Variants in EPHA6 observed in about 807,000 individuals in gnomAD.
The protein encoded by EPHA6 is EPH receptor A6.
Under a neutral mutation model 112.0 loss-of-function variants are expected in EPHA6, and 50 were observed. That is an observed-to-expected ratio of 0.45 (90% confidence interval 0.36 to 0.56). The LOEUF is 0.56. Ranked by LOEUF, EPHA6 falls within the 20% of genes least tolerant of loss-of-function variation. The probability of loss-of-function intolerance (pLI) is 0.00; values close to 1 mark genes in which losing one functional copy is unlikely to be tolerated. For synonymous variants in EPHA6, 529 were observed against 490.7 expected, an observed-to-expected ratio of 1.08 and a Z score of -1.03; for missense variants, 1,280 against 1,417.4, an observed-to-expected ratio of 0.90 and a Z score of 1.56.
At chr3:97,480,777 GA>G (rs1368732435) in intron 9 of EPHA6, among the ~76,000 whole-genome samples, 1 of 152,202 alleles carries the variant, frequency 6.6e-6, no homozygotes, top group Non-Finnish European at 1.5e-5. Context: ...CGGCCGGGCA[GA>G]GGGGCTCCTC....
chr3:97,574,474 A>G (rs1273864282), intron 11 of EPHA6, among the ~76,000 whole-genome samples: 1 of 152,154 alleles, frequency 6.6e-6, no homozygotes, highest in African/African-American at 2.4e-5. Context: ...AGCTACACAG[A>G]TGTGAAAGGG....
chr3:97,347,505 A>T (rs1013061212), intron 5 of EPHA6, among the ~76,000 whole-genome samples: 16 of 152,128 alleles, frequency 1.1e-4, no homozygotes, highest in Admixed American at 9.2e-4. Context: ...GACTTTGAGT[A>T]CAGGAGAGAA....
chr3:97,331,432 A>G (rs545935458), intron 5 of EPHA6, among the ~76,000 whole-genome samples: 3 of 152,230 alleles, frequency 2.0e-5, no homozygotes, highest in South Asian at 4.1e-4. Context: ...GACACAAAAA[A>G]CCCTTCAAAA....
At chr3:96,824,314 T>G (rs1183395022) in intron 1 of EPHA6, among the ~76,000 whole-genome samples, 2 of 151,854 alleles carry the variant, frequency 1.3e-5, no homozygotes, top group African/African-American at 4.8e-5. Flanking sequence ...CTACCAAGCC[T>G]TAAAATCAGA....
intron 3 of EPHA6, among the ~76,000 whole-genome samples, chr3:97,225,772 T>G (rs1326941740): frequency 6.6e-6 from 1 of 152,158 alleles, no homozygotes; most frequent in Non-Finnish European, 1.5e-5. Flanking sequence ...AAAGAAAATT[T>G]AGCCACTAAG....
At chr3:97,055,210 A>T (rs1036063189) in intron 3 of EPHA6, among the ~76,000 whole-genome samples, 1 of 152,162 alleles carries the variant, frequency 6.6e-6, no homozygotes, top group African/African-American at 2.4e-5. Flanking sequence ...CCCTCTGAGG[A>T]TGTAGATTAG....
intron 5 of EPHA6, among the ~76,000 whole-genome samples, chr3:97,256,388 G>C (rs114594133): frequency 6.6e-6 from 1 of 151,722 alleles, no homozygotes; most frequent in African/African-American, 2.4e-5. Flanking sequence ...TTTATTTAAC[G>C]TAAATTTGGC....
intron 5 of EPHA6, among the ~76,000 whole-genome samples, chr3:97,297,158 G>A (rs899357979): frequency 6.6e-6 from 1 of 152,120 alleles, no homozygotes; most frequent in South Asian, 2.1e-4. Context: ...AGTTCACAGT[G>A]GAATGTGGAC....
At chr3:97,559,685 A>C (rs745516473) in intron 11 of EPHA6, 1 of 451,238 alleles carries the variant, frequency 2.2e-6, no homozygotes, top group Non-Finnish European at 4.4e-6. Flanking sequence ...AATAGAGCTA[A>C]TGTGTATGCT....
chr3:97,062,939 A>G (rs183272164), intron 3 of EPHA6, among the ~76,000 whole-genome samples: 1 of 152,228 alleles, frequency 6.6e-6, no homozygotes, highest in East Asian at 1.9e-4. Context: ...CAACAATTAT[A>G]TGAAAAAAAA....
At chr3:97,231,089 G>A (rs1236930500) in intron 4 of EPHA6, among the ~76,000 whole-genome samples, 7 of 152,002 alleles carry the variant, frequency 4.6e-5, no homozygotes, top group East Asian at 1.9e-4. Flanking sequence ...TTTGAGTGGC[G>A]TATTCTGGTC....
chr3:97,216,216 G>A (rs140783771), intron 3 of EPHA6, among the ~76,000 whole-genome samples: 15 of 152,262 alleles, frequency 9.9e-5, no homozygotes, highest in Non-Finnish European at 1.3e-4. Flanking sequence ...AAGGAGAAGC[G>A]GAGCCTGTAC....
chr3:97,363,989 G>C (rs61175274), intron 5 of EPHA6, among the ~76,000 whole-genome samples: 10,121 of 151,056 alleles, frequency 0.067, 1,041 homozygotes, highest in African/African-American at 0.22. Flanking sequence ...ATAGTGGTTT[G>C]CAACGGCTGG....
intron 5 of EPHA6, among the ~76,000 whole-genome samples, chr3:97,282,096 C>CTTTAAATTTTACATA (rs2080305858): frequency 1.3e-5 from 2 of 152,100 alleles, no homozygotes; most frequent in African/African-American, 4.8e-5. Flanking sequence ...GAACACATTG[C>CTTTAAATTTTACATA]CCTTTAAAAT....
intron 12 of EPHA6, among the ~76,000 whole-genome samples, chr3:97,602,186 TTAATA>T (rs922404035): frequency 6.6e-6 from 1 of 152,026 alleles, no homozygotes; most frequent in African/African-American, 2.4e-5. Flanking sequence ...TTTGAGAATA[TTAATA>T]TAATATAAAA....
At chr3:96,948,549 A>T (rs2041386167) in intron 2 of EPHA6, among the ~76,000 whole-genome samples, 1 of 152,226 alleles carries the variant, frequency 6.6e-6, no homozygotes, top group Admixed American at 6.5e-5. Context: ...AAGTATTTAA[A>T]ATGTAATTAC....
chr3:97,012,444 C>T (rs2044120068), intron 3 of EPHA6, among the ~76,000 whole-genome samples: 1 of 151,032 alleles, frequency 6.6e-6, no homozygotes, highest in African/African-American at 2.4e-5. Flanking sequence ...CCATCTCAGC[C>T]TCCATGGTAG....
chr3:97,079,568 A>G (rs1230223908), intron 3 of EPHA6, among the ~76,000 whole-genome samples: 14 of 151,570 alleles, frequency 9.2e-5, no homozygotes, highest in African/African-American at 3.4e-4. Context: ...TACCTGTTTA[A>G]CAATCGTGCA....
intron 1 of EPHA6, among the ~76,000 whole-genome samples, chr3:96,823,373 T>C (rs2033416774): frequency 6.6e-6 from 1 of 151,808 alleles, no homozygotes; most frequent in Non-Finnish European, 1.5e-5. Context: ...TAAATGATTC[T>C]ATTTGTTAAG....
Sources: gnomAD v4.1 joint callset for allele counts (sites outside exome capture counted in the v4.1 genomes callset) on GRCh38, gnomAD v4.1.1 for gene constraint, MANE v1.5 for transcripts, NCBI Gene and HGNC (gene_info 2026-07-23, HGNC 2026-07-21) for gene names.